AQP6: variants seen among roughly 807,000 people sequenced by gnomAD.
AQP6 encodes the protein aquaporin 6, also known as aquaporin-6.
A neutral mutation model predicts 16.3 loss-of-function variants in AQP6; 14 were observed. The ratio of observed to expected loss-of-function variants is 0.86; its 90% CI spans 0.57 to 1.34. The LOEUF is 1.34. Ranked by LOEUF, AQP6 falls within the 40% of genes most tolerant of loss-of-function variation. The pLI, the probability that AQP6 is intolerant of heterozygous loss-of-function variation, is 0.00. For synonymous variants in AQP6, 178 were observed against 166.8 expected, an observed-to-expected ratio of 1.07 and a Z score of -0.52; for missense variants, 331 against 379.7, an observed-to-expected ratio of 0.87 and a Z score of 1.07.
At position 49,973,545 on chromosome 12, in the gene AQP6, A is replaced by G. The variant is rs1035762967; in HGVS notation, c.372A>G (p.Gly124=). The part of the protein sequence containing the change: ...GAALLYGVMP[G]DIRETLGINV... ...CTCTGCTTTATGGGGTCATGCCGGG[A>G]GACATCCGAGAGACCCTTGGGATCA... Residue 124 remains glycine, a synonymous_variant, in exon 1 of 4, where the codon GGA becomes GGG. Transcript: ENST00000315520. 1 of 1,610,354 alleles carries G rather than the reference A, an allele frequency of 6.2e-7. No homozygotes were observed. Among genetic ancestry groups the G allele is most frequent in the African/African-American group, 1.3e-5 (1 of 74,866 alleles).
Position 49,973,532 on chromosome 12 carries a change from G to A in AQP6, c.359G>A (p.Gly120Glu). 1.2e-6 allele frequency: 2 copies of A among 1,612,432 alleles called. No individual in the cohort carries two copies. Among genetic ancestry groups the A allele is most frequent in the African/African-American group, 1.3e-5 (1 of 75,052 alleles). Residue 120 changes from glycine to glutamate, a missense_variant, in exon 1 of 4, where the codon GGG (glycine) becomes GAG (glutamate). Coordinates refer to ENST00000315520, the MANE Select transcript of AQP6 (RefSeq NM_001652.4). ...GATVGAALLY[G>E]VMPGDIRETL... is the part of the protein sequence containing the mutation. ...ACGGTGGGGGCTGCTCTGCTTTATGGGGTCATGCCGGGAGACATCCGAGAG... is the reference window on the plus strand; with the variant it reads ...ACGGTGGGGGCTGCTCTGCTTTATGAGGTCATGCCGGGAGACATCCGAGAG...
chr12:49,976,989 A>G lies in AQP6; in HGVS notation c.*1318A>G, dbSNP rs779980464. Reference sequence around the variant, plus strand: ...CTGCTGTAGATTTATTCTGCCCACAACTTGGGGGTCCTTTCTGGATCTCGG... The same window carrying G: ...CTGCTGTAGATTTATTCTGCCCACAGCTTGGGGGTCCTTTCTGGATCTCGG... On this transcript the variant is annotated 3_prime_UTR_variant, in exon 4 of 4. Transcript: ENST00000315520. 1.4e-6 allele frequency: 1 copy of G among 702,362 alleles called. No individual in the cohort carries two copies. The highest frequency in any genetic ancestry group is 1.5e-5 in the South Asian group (1 of 67,596). The allele number at this position is 702,362 out of a possible 1,614,324, so 43.5% of individuals were successfully genotyped here.
In AQP6 at chr12:49,976,722, C is replaced by G. The variant is rs1947577007; in HGVS notation, c.*1051C>G. The G allele has an allele frequency of 2.1e-6, 1 of 476,256 alleles. No homozygotes were observed. Among genetic ancestry groups the G allele is most frequent in the Non-Finnish European group, 3.7e-6 (1 of 269,748 alleles). 29.5% of individuals were successfully genotyped at this position (476,256 alleles called of 1,614,324 possible). A position where few individuals can be genotyped will look rare whatever the true frequency, so the allele number is the denominator to read the frequency against. ...TCCCAGGTGCTTGCCCCAGCTCCCA[C>G]CCCACAGCCCACTCTCAGGCAGGAA... On this transcript the variant is annotated 3_prime_UTR_variant, in exon 4 of 4. Coordinates refer to ENST00000315520, the MANE Select transcript of AQP6 (RefSeq NM_001652.4).
At position 49,977,005 on chromosome 12, in the gene AQP6, T is replaced by C. The variant is rs1174204143; in HGVS notation, c.*1334T>C. 1 of 702,276 alleles carries C rather than the reference T, an allele frequency of 1.4e-6. No homozygotes were observed. Among genetic ancestry groups the C allele is most frequent in the African/African-American group, 1.7e-5 (1 of 57,256 alleles). 43.5% of individuals were successfully genotyped at this position (702,276 alleles called of 1,614,324 possible). On this transcript the variant is annotated 3_prime_UTR_variant, in exon 4 of 4. Coordinates refer to ENST00000315520, the MANE Select transcript of AQP6 (RefSeq NM_001652.4). ...CTGCCCACAACTTGGGGGTCCTTTCTGGATCTCGGCTTCTCCAGCTGTAAA... is the reference window on the plus strand; with the variant it reads ...CTGCCCACAACTTGGGGGTCCTTTCCGGATCTCGGCTTCTCCAGCTGTAAA...
chr12:49,974,435 C>A lies in AQP6; in HGVS notation c.514C>A (p.Pro172Thr). The A allele has an allele frequency of 1.2e-6, 2 of 1,613,478 alleles. No homozygotes were observed. Among genetic ancestry groups the A allele is most frequent in the Middle Eastern group, 1.6e-4 (1 of 6,062 alleles). ...STDSRQTSGS[P>T]ATMIGISVAL... ...CGACAGCCGTCAGACATCAGGCTCCCCGGCCACCATGATTGGGATCTCTGT... is the reference window on the plus strand; with the variant it reads ...CGACAGCCGTCAGACATCAGGCTCCACGGCCACCATGATTGGGATCTCTGT... Residue 172 changes from proline to threonine, a missense_variant, in exon 2 of 4, where the codon CCG becomes ACG. Coordinates refer to ENST00000315520, the MANE Select transcript of AQP6 (RefSeq NM_001652.4).
intron 3 of AQP6, 86 bp downstream of exon 3, chr12:49,974,912 C>A: frequency 6.4e-7 from 1 of 1,561,614 alleles, no homozygotes; most frequent in Non-Finnish European, 8.7e-7. Context: ...CTTCCCTAAG[C>A]TCAGAAGGCC....
At position 49,977,066 on chromosome 12, in the gene AQP6, A is replaced by G. The variant is rs1200782474; in HGVS notation, c.*1395A>G. ...AATCCTCCTCCAGGGACTGCTGTGAAATCAAGAAATCGGAAAATACTTTCA... is the reference window on the plus strand; with the variant it reads ...AATCCTCCTCCAGGGACTGCTGTGAGATCAAGAAATCGGAAAATACTTTCA... On this transcript the variant is annotated 3_prime_UTR_variant, in exon 4 of 4. Transcript: ENST00000315520. The G allele has an allele frequency of 2.2e-5, 15 of 694,490 alleles. No individual in the cohort carries two copies. In the East Asian group the frequency reaches 4.0e-4, roughly 19 times the overall value. 43.0% of individuals were successfully genotyped at this position (694,490 alleles called of 1,614,324 possible).
chr12:49,976,956 G>C lies in AQP6; in HGVS notation c.*1285G>C. The C allele has an allele frequency of 1.4e-6, 1 of 701,490 alleles. No individual in the cohort carries two copies. The highest frequency in any genetic ancestry group is 1.5e-5 in the South Asian group (1 of 67,192). 43.5% of individuals were successfully genotyped at this position (701,490 alleles called of 1,614,324 possible). On this transcript the variant is annotated 3_prime_UTR_variant, in exon 4 of 4. Coordinates refer to ENST00000315520, the MANE Select transcript of AQP6 (RefSeq NM_001652.4). ...TACCAAAATCTAAGTTGGTTTAATAGTTAAAAGCTGCTGTAGATTTATTCT... is the reference window on the plus strand; with the variant it reads ...TACCAAAATCTAAGTTGGTTTAATACTTAAAAGCTGCTGTAGATTTATTCT...
rs1565645045 is a variant in AQP6, at chr12:49,975,347, C to G, written c.643-118C>G. The G allele has an allele frequency of 1.3e-5, 19 of 1,487,136 alleles. No homozygotes were observed. Among genetic ancestry groups the G allele is most frequent in the Non-Finnish European group, 1.6e-5 (18 of 1,125,130 alleles). 92.1% of individuals were successfully genotyped at this position (1,487,136 alleles called of 1,614,324 possible). A position where few individuals can be genotyped will look rare whatever the true frequency, so the allele number is the denominator to read the frequency against. The stretch of plus-strand genomic sequence containing the variant: ...CGTGGTTCTCAAATTTAGCACCTTA[C>G]AGACAGTTGAGGGAGACCTGGGAGA... On this transcript the variant is annotated intron_variant, in intron 3 of 3. Coordinates refer to ENST00000315520, the MANE Select transcript of AQP6 (RefSeq NM_001652.4). This position sits in a 1 kb window ranked among gnomAD's most constrained non-coding sequence, Gnocchi z 4.4.
intron 2 of AQP6, 67 bp from the exon 3 acceptor site, chr12:49,974,679 G>C: frequency 1.9e-6 from 3 of 1,572,646 alleles, no homozygotes; most frequent in Non-Finnish European, 2.6e-6. Context: ...AGCCAGGACT[G>C]AGAAATGGTC....
Position 49,975,390 on chromosome 12 carries a change from A to C in AQP6, c.643-75A>C, listed in dbSNP as rs1947563685. 2.7e-6 allele frequency: 4 copies of C among 1,508,334 alleles called. No homozygotes were observed. The South Asian group carries it at 5.5e-5, about 21-fold the overall frequency. 93.4% of individuals were successfully genotyped at this position (1,508,334 alleles called of 1,614,324 possible). A position where few individuals can be genotyped will look rare whatever the true frequency, so the allele number is the denominator to read the frequency against. ...CTGGGAGATCAAGTCGGCACTGGGG[A>C]AGCAGGCAGCGGTCCCAGAGCCACC... On this transcript the variant is annotated intron_variant, in intron 3 of 3. Coordinates refer to ENST00000315520, the MANE Select transcript of AQP6 (RefSeq NM_001652.4). The surrounding 1 kb of genome is among the most constrained non-coding windows in gnomAD (Gnocchi z 4.4).
intron 3 of AQP6, 98 bp downstream of exon 3, chr12:49,974,924 G>A: frequency 6.5e-7 from 1 of 1,527,208 alleles, no homozygotes. Context: ...CAGAAGGCCA[G>A]GGTGAATGTC....
rs1193613731 is a variant in AQP6, at chr12:49,975,667, TGTGAA to T, written c.846_*1del. 1 of 1,565,046 alleles carries T rather than the reference TGTGAA, an allele frequency of 6.4e-7. No individual in the cohort carries two copies. The highest frequency in any genetic ancestry group is 1.4e-5 in the African/African-American group (1 of 72,758). On this transcript the variant is annotated stop_lost and 3_prime_UTR_variant, in exon 4 of 4. Transcript: ENST00000315520. The surrounding 1 kb of genome is among the most constrained non-coding windows in gnomAD (Gnocchi z 4.4). The stretch of plus-strand genomic sequence containing the variant: ...TCGGGAGCCGTGGAGATGGAGAGTG[TGTGAA>T]ACAGCCTACGCCTGGCCGCGCCCTT...
At position 49,974,779 on chromosome 12, in the gene AQP6, C is replaced by T. The variant is rs764436074; in HGVS notation, c.595C>T (p.Arg199Cys). The change falls in exon 3 of 4, where the codon CGC becomes TGC. Residue 199 changes from arginine to cysteine, a missense_variant. Physicochemically the swap from Arg to Cys is radical, Grantham distance 180. Coordinates refer to ENST00000315520, the MANE Select transcript of AQP6 (RefSeq NM_001652.4). ...HFTGCSMNPA[R>C]SFGPAIIIGK... Reference sequence around the variant, plus strand: ...CACTGGCTGCTCCATGAATCCAGCCCGCTCCTTCGGCCCTGCCATCATCAT... The same window carrying T: ...CACTGGCTGCTCCATGAATCCAGCCTGCTCCTTCGGCCCTGCCATCATCAT... The T allele has an allele frequency of 3.7e-6, 6 of 1,614,250 alleles. No homozygotes were observed. The highest frequency in any genetic ancestry group is 2.2e-5 in the East Asian group (1 of 44,876).
chr12:49,975,276 G>A lies in AQP6; in HGVS notation c.643-189G>A, dbSNP rs1947562842. On this transcript the variant is annotated intron_variant, in intron 3 of 3. Transcript: ENST00000315520. This position sits in a 1 kb window ranked among gnomAD's most constrained non-coding sequence, Gnocchi z 4.4. ...CTCAGCCCCAGGGAGGGCAGGGAGA[G>A]CAAGGGGCAAGGTCCCCTTACCTTG... 2.2e-6 allele frequency: 3 copies of A among 1,370,056 alleles called. No individual in the cohort carries two copies. Among genetic ancestry groups the A allele is most frequent in the African/African-American group, 1.5e-5 (1 of 67,870 alleles). 84.9% of individuals were successfully genotyped at this position (1,370,056 alleles called of 1,614,324 possible). A position where few individuals can be genotyped will look rare whatever the true frequency, so the allele number is the denominator to read the frequency against.
rs1446743908 is a variant in AQP6, at chr12:49,975,450, C to T, written c.643-15C>T. ...TGATAGCTCCTGGGTGGGGTGACGA[C>T]ATCCTTCTCCTCAGGTCTTCTGGGT... On this transcript the variant is annotated splice_polypyrimidine_tract_variant and intron_variant, in intron 3 of 3. Coordinates refer to ENST00000315520, the MANE Select transcript of AQP6 (RefSeq NM_001652.4). The surrounding 1 kb of genome is among the most constrained non-coding windows in gnomAD (Gnocchi z 4.4). 5 of 1,578,276 alleles carry T rather than the reference C, an allele frequency of 3.2e-6. No individual in the cohort carries two copies. The African/African-American group carries it at 6.8e-5, about 22-fold the overall frequency.
rs947854073 is a variant in AQP6 at position 49,976,646 on chromosome 12, G to A, written c.*975G>A. The A allele has an allele frequency of 3.1e-6, 1 of 323,284 alleles. No individual in the cohort carries two copies. Among genetic ancestry groups the A allele is most frequent in the Non-Finnish European group, 5.7e-6 (1 of 176,594 alleles). The allele number at this position is 323,284 out of a possible 1,614,324, so 20.0% of individuals were successfully genotyped here. On this transcript the variant is annotated 3_prime_UTR_variant, in exon 4 of 4. Coordinates refer to ENST00000315520, the MANE Select transcript of AQP6 (RefSeq NM_001652.4). ...TTTTCTCAGGCTCGTAGAGAGGTGGGATAGAGGAAGGGAGGTTTGAGCCAG... is the reference window on the plus strand; with the variant it reads ...TTTTCTCAGGCTCGTAGAGAGGTGGAATAGAGGAAGGGAGGTTTGAGCCAG...
At position 49,975,753 on chromosome 12, in the gene AQP6, G is replaced by A. The variant is rs143401769; in HGVS notation, c.*82G>A. ...GGTTCTCCCTGGGGGTGGCGGGAGG[G>A]GGAGGCTTGACCTTTTGTCCTGACC... is the stretch of plus-strand genomic sequence containing the variant. On this transcript the variant is annotated 3_prime_UTR_variant, in exon 4 of 4. Coordinates refer to ENST00000315520, the MANE Select transcript of AQP6 (RefSeq NM_001652.4). This position sits in a 1 kb window ranked among gnomAD's most constrained non-coding sequence, Gnocchi z 4.4. 382 of 1,439,364 alleles carry A rather than the reference G, an allele frequency of 2.7e-4. No individual in the cohort carries two copies. Among genetic ancestry groups the A allele is most frequent in the Non-Finnish European group, 3.4e-4 (370 of 1,095,138 alleles). The allele number at this position is 1,439,364 out of a possible 1,614,324, so 89.2% of individuals were successfully genotyped here.
At chr12:49,973,953 A>G in intron 1 of AQP6, 1 of 1,159,034 alleles carries the variant, frequency 8.6e-7, no homozygotes, top group Non-Finnish European at 1.1e-6. Context: ...GACTGTTCCC[A>G]AGTTCTTCCC....
Sources: gnomAD v4.1 joint callset for allele counts on GRCh38, gnomAD v4.1.1 for gene constraint, Gnocchi (gnomAD v3.1) non-coding constraint, MANE v1.5 for transcripts, NCBI Gene and HGNC (gene_info 2026-07-23, HGNC 2026-07-21) for gene names.